PDGFRL: variants seen among roughly 807,000 people sequenced by gnomAD.
PDGFRL encodes the protein platelet derived growth factor receptor like.
Under a neutral mutation model 37.2 loss-of-function variants are expected in PDGFRL, and 46 were observed. The ratio of observed to expected loss-of-function variants is 1.24; its 90% confidence interval spans 0.98 to 1.58. The LOEUF (loss-of-function observed/expected upper bound fraction) is 1.58, where lower values mean the gene tolerates loss of function less well. PDGFRL is among the 40% of genes most tolerant of loss of function. The pLI is 0.00. For synonymous variants in PDGFRL, 251 were observed against 184.3 expected (o/e 1.36, Z -2.93); for missense variants, 692 against 467.6 (o/e 1.48, Z -4.43).
At chr8:17,597,059 C>T (rs114628521) in intron 2 of PDGFRL, among the ~76,000 whole-genome samples, 1,750 of 152,244 alleles carry the variant, frequency 0.011, 39 homozygotes, top group African/African-American at 0.039. Context: ...CTTGCTCTGT[C>T]GCCTAGGTTG....
At chr8:17,637,075 C>A (rs2129843265) in intron 5 of PDGFRL, among the ~76,000 whole-genome samples, 1 of 152,264 alleles carries the variant, frequency 6.6e-6, no homozygotes, top group African/African-American at 2.4e-5. Context: ...GACAGTTTGA[C>A]TTCGCTTTAT....
At chr8:17,619,901 T>C (rs951817240) in intron 2 of PDGFRL, among the ~76,000 whole-genome samples, 1 of 152,212 alleles carries the variant, frequency 6.6e-6, no homozygotes, top group Non-Finnish European at 1.5e-5. Context: ...CTTTGACATT[T>C]ATTATTTCCT....
At chr8:17,639,760 A>G (rs1010799148) in intron 5 of PDGFRL, among the ~76,000 whole-genome samples, 1 of 152,078 alleles carries the variant, frequency 6.6e-6, no homozygotes, top group Non-Finnish European at 1.5e-5. Flanking sequence ...TGCCTAGGTG[A>G]CGATCTTTTT....
chr8:17,639,636 G>A (rs545199785), intron 5 of PDGFRL, among the ~76,000 whole-genome samples: 2 of 152,310 alleles, frequency 1.3e-5, no homozygotes, highest in African/African-American at 4.8e-5. Context: ...GGTTTCTGCT[G>A]AGGAATCTGC....
chr8:17,602,947 G>A (rs1202041960), intron 2 of PDGFRL, among the ~76,000 whole-genome samples: 1 of 152,212 alleles, frequency 6.6e-6, no homozygotes, highest in African/African-American at 2.4e-5. Flanking sequence ...ATTTTAAACA[G>A]TATAGAATTC....
chr8:17,596,401 G>A (rs185625469), intron 2 of PDGFRL: 41 of 857,798 alleles, frequency 4.8e-5, no homozygotes, highest in South Asian at 6.2e-5. Flanking sequence ...CATTTTAAAC[G>A]ACCTTATTCA....
chr8:17,623,073 C>T (rs1804664396), intron 3 of PDGFRL, among the ~76,000 whole-genome samples: 1 of 152,138 alleles, frequency 6.6e-6, no homozygotes, highest in South Asian at 2.1e-4. Flanking sequence ...CCACAACATC[C>T]CTGGGAAATA....
chr8:17,622,700 C>T (rs532974655), intron 3 of PDGFRL, among the ~76,000 whole-genome samples: 4 of 152,202 alleles, frequency 2.6e-5, no homozygotes, highest in Admixed American at 6.5e-5. Flanking sequence ...ATTTATTATG[C>T]GAAAAGGAAA....
At chr8:17,577,727 G>A (rs943757250) in intron 1 of PDGFRL, among the ~76,000 whole-genome samples, 2 of 151,558 alleles carry the variant, frequency 1.3e-5, no homozygotes, top group African/African-American at 4.9e-5. Context: ...CCTAAGCTCG[G>A]CAATCGCTGA....
At chr8:17,577,412 T>A in intron 1 of PDGFRL, 105 bp downstream of exon 1, 1 of 975,486 alleles carries the variant, frequency 1.0e-6, no homozygotes, top group Non-Finnish European at 1.6e-6. Context: ...CGTTCGGCCC[T>A]CGGTGGCTCA....
upstream of PDGFRL, chr8:17,576,734 C>T: frequency 1.0e-6 from 1 of 979,194 alleles, no homozygotes; most frequent in African/African-American, 1.7e-5. Context: ...AGAGGAGCAG[C>T]AAGAACCCGG....
chr8:17,625,153 T>G (rs1804708607), intron 3 of PDGFRL, among the ~76,000 whole-genome samples: 1 of 121,564 alleles, frequency 8.2e-6, no homozygotes, highest in Admixed American at 9.9e-5. Context: ...CGCATTTTTT[T>G]GTTTTTTTGT....
intron 1 of PDGFRL, among the ~76,000 whole-genome samples, chr8:17,578,878 T>C (rs183613382): frequency 6.6e-6 from 1 of 152,124 alleles, no homozygotes; most frequent in Non-Finnish European, 1.5e-5. Context: ...TTTTAGGTGA[T>C]AATAGCACGA....
chr8:17,602,123 C>A (rs1269685096), intron 2 of PDGFRL, among the ~76,000 whole-genome samples: 1 of 151,948 alleles, frequency 6.6e-6, no homozygotes, highest in Non-Finnish European at 1.5e-5. Context: ...TTGACGGCAT[C>A]TGTTATTTTT....
chr8:17,604,440 A>G (rs1269974165), intron 2 of PDGFRL, among the ~76,000 whole-genome samples: 1 of 152,194 alleles, frequency 6.6e-6, no homozygotes, highest in Non-Finnish European at 1.5e-5. Flanking sequence ...TTGTAGGGAC[A>G]TGGATGAAGC....
At chr8:17,586,497 A>G (rs532058040) in intron 1 of PDGFRL, among the ~76,000 whole-genome samples, 1 of 152,224 alleles carries the variant, frequency 6.6e-6, no homozygotes, top group South Asian at 2.1e-4. Context: ...GAGCCAGAGA[A>G]AGCTCTAGAC....
chr8:17,622,337 T>C (rs1804650934), intron 3 of PDGFRL, among the ~76,000 whole-genome samples: 1 of 152,182 alleles, frequency 6.6e-6, no homozygotes, highest in Non-Finnish European at 1.5e-5. Flanking sequence ...CCAGAATCCT[T>C]TGTTAGTGCC....
chr8:17,595,212 C>T (rs1420650928), intron 2 of PDGFRL, among the ~76,000 whole-genome samples: 1 of 152,192 alleles, frequency 6.6e-6, no homozygotes. Flanking sequence ...CCGCCCTCCA[C>T]TCACCTGCTC....
intron 1 of PDGFRL, among the ~76,000 whole-genome samples, chr8:17,579,149 A>G (rs1016349519): frequency 4.1e-4 from 62 of 152,164 alleles, no homozygotes; most frequent in Admixed American, 4.1e-3. Context: ...GTGAGCCGAG[A>G]TCGCACCACT....
Sources: allele counts gnomAD v4.1 joint callset (sites outside exome capture counted in the v4.1 genomes callset), GRCh38; gene constraint gnomAD v4.1.1; transcripts MANE v1.5; gene names NCBI Gene and HGNC (gene_info 2026-07-23, HGNC 2026-07-21).